The following SARM1 variants were observed in gnomAD, a reference collection of about 807,000 sequenced individuals.
The protein encoded by SARM1 is NAD(+) hydrolase SARM1.
SARM1 carries 60 observed loss-of-function variants against 65.1 expected under a neutral mutation model. The ratio of observed to expected loss-of-function variants is 0.92; its 90% CI spans 0.75 to 1.14. The LOEUF (loss-of-function observed/expected upper bound fraction) is 1.14, where lower values mean the gene tolerates loss of function less well. Ranked by LOEUF, SARM1 falls within the 50% of genes most tolerant of loss-of-function variation. The probability of loss-of-function intolerance (pLI) is 0.00; values close to 1 mark genes in which losing one functional copy is unlikely to be tolerated. For missense variants in SARM1, 913 were observed against 1,015.7 expected (o/e 0.90, Z 1.37); for synonymous variants, 417 against 465.4 (o/e 0.90, Z 1.34).
intron 2 of SARM1, among the ~76,000 whole-genome samples, chr17:28,382,275 G>A (rs544215952): frequency 8.5e-5 from 13 of 152,256 alleles, no homozygotes; most frequent in African/African-American, 3.1e-4. Context: ...GATGACTCCT[G>A]GCCCTGAACA....
Position 28,384,967 on chromosome 17 carries a change from C to G in SARM1, c.1394+37C>G. On this transcript the variant is annotated intron_variant, in intron 4 of 8. Coordinates refer to ENST00000585482, the MANE Select transcript of SARM1 (RefSeq NM_015077.4). This position sits in a 1 kb window ranked among gnomAD's most constrained non-coding sequence, Gnocchi z 4.4. ...CCTGCCCGCCGGACCCCAGCTAGGT[C>G]TAAATAAGCTCCCCCTCCGCCCACA... The G allele has an allele frequency of 1.3e-6, 2 of 1,588,400 alleles. No individual in the cohort carries two copies. Among genetic ancestry groups the G allele is most frequent in the Non-Finnish European group, 1.7e-6 (2 of 1,166,660 alleles).
At chr17:28,393,552 T>G (rs2068091782) in intron 7 of SARM1, among the ~76,000 whole-genome samples, 2 of 150,334 alleles carry the variant, frequency 1.3e-5, no homozygotes, top group South Asian at 4.2e-4. Flanking sequence ...CCTGTTCCCC[T>G]GCCCCCCGCC....
At chr17:28,383,871 G>A (rs2068036694) in intron 2 of SARM1, among the ~76,000 whole-genome samples, 1 of 152,254 alleles carries the variant, frequency 6.6e-6, no homozygotes, top group South Asian at 2.1e-4. Context: ...TCTGGTGGAT[G>A]AGTAGGATTT....
Position 28,373,035 on chromosome 17 carries a change from AC to A in SARM1, c.470+534del, listed in dbSNP as rs562536643. ...ACTCCCTTCTTGCCGCCCCAATCCA[AC>A]TTCTGCTCCATCCTTCATTCTGGTT... On this transcript the variant is annotated intron_variant, in intron 1 of 8. Transcript: ENST00000585482. The A allele has an allele frequency of 3.7e-3, 570 of 152,594 alleles. 2 individuals carry two copies. The highest frequency in any genetic ancestry group is 6.4e-3 in the Non-Finnish European group (438 of 68,318). The allele number at this position is 152,594 out of a possible 1,614,324, so 9.5% of individuals were successfully genotyped here. A position where few individuals can be genotyped will look rare whatever the true frequency, so the allele number is the denominator to read the frequency against.
chr17:28,383,408 G>A (rs2068033868), intron 2 of SARM1, among the ~76,000 whole-genome samples: 1 of 152,124 alleles, frequency 6.6e-6, no homozygotes, highest in East Asian at 1.9e-4. Context: ...TGCTATGTTA[G>A]GGGGGTCTCT....
At position 28,399,780 on chromosome 17, in the gene SARM1, G is replaced by T; in HGVS notation, c.*3494G>T. 1 of 1,564,474 alleles carries T rather than the reference G, an allele frequency of 6.4e-7. No individual in the cohort carries two copies. Among genetic ancestry groups the T allele is most frequent in the South Asian group, 1.1e-5 (1 of 89,700 alleles). ...ACCCTCAAGGCCTGTCTGGAGAAGT[G>T]ACACAGGATTTACTGGGGTGGGCTG... On this transcript the variant is annotated 3_prime_UTR_variant, in exon 9 of 9. Coordinates refer to ENST00000585482, the MANE Select transcript of SARM1 (RefSeq NM_015077.4).
At chr17:28,379,066 C>CA (rs2068007511) in intron 1 of SARM1, among the ~76,000 whole-genome samples, 1 of 152,170 alleles carries the variant, frequency 6.6e-6, no homozygotes, top group Non-Finnish European at 1.5e-5. Flanking sequence ...ATCTATATGA[C>CA]AATCTCTTTG....
Position 28,371,703 on chromosome 17 carries a change from C to G in SARM1, c.-330C>G, listed in dbSNP as rs1555583988. 4.3e-6 allele frequency: 1 copy of G among 231,794 alleles called. No homozygotes were observed. The highest frequency in any genetic ancestry group is 8.4e-6 in the Non-Finnish European group (1 of 119,610). The allele number at this position is 231,794 out of a possible 1,614,324, so 14.4% of individuals were successfully genotyped here. On this transcript the variant is annotated 5_prime_UTR_variant, in exon 1 of 9. Transcript: ENST00000585482. ...GTGGCTGCTGCCGAGCATCTCCCAG[C>G]TCAGCCGAGCCCGTGCCCAGGCCAC... is the stretch of plus-strand genomic sequence containing the variant.
At chr17:28,381,017 C>T (rs1489963929) in intron 1 of SARM1, among the ~76,000 whole-genome samples, 186 bp from the exon 2 acceptor site, 2 of 152,102 alleles carry the variant, frequency 1.3e-5, no homozygotes, top group Non-Finnish European at 2.9e-5. Context: ...AATAGAGCAC[C>T]CTTAGAATCC....
intron 7 of SARM1, among the ~76,000 whole-genome samples, chr17:28,394,160 G>C (rs2068095535): frequency 6.6e-6 from 1 of 152,224 alleles, no homozygotes; most frequent in Non-Finnish European, 1.5e-5. Context: ...AGAATTTTAA[G>C]TAGGGGGTGA....
intron 1 of SARM1, 85 bp from the exon 2 acceptor site, chr17:28,381,118 G>T: frequency 6.9e-7 from 1 of 1,458,072 alleles, no homozygotes; most frequent in Non-Finnish European, 9.1e-7. Context: ...GGCCCAGAGA[G>T]GGTTAGTGAC....
In SARM1 at chr17:28,401,385, G is replaced by A. The variant is rs1418774890; in HGVS notation, c.*5099G>A. On this transcript the variant is annotated 3_prime_UTR_variant, in exon 9 of 9. Transcript: ENST00000585482. ...CACAGAGAAAGTGCTGGGAAAAAAA[G>A]TTTAGGTGAATGAATGAAGACACAT... The A allele has an allele frequency of 6.3e-6, 1 of 157,852 alleles. No individual in the cohort carries two copies. Among genetic ancestry groups the A allele is most frequent in the Non-Finnish European group, 1.4e-5 (1 of 71,246 alleles). The allele number at this position is 157,852 out of a possible 1,614,324, so 9.8% of individuals were successfully genotyped here. A position where few individuals can be genotyped will look rare whatever the true frequency, so the allele number is the denominator to read the frequency against.
chr17:28,396,428 C>A lies in SARM1; in HGVS notation c.*142C>A, dbSNP rs148837601. 93 of 929,256 alleles carry A rather than the reference C, an allele frequency of 1.0e-4. No homozygotes were observed. In the African/African-American group the frequency reaches 1.5e-3, roughly 15 times the overall value. 57.6% of individuals were successfully genotyped at this position (929,256 alleles called of 1,614,324 possible). On this transcript the variant is annotated 3_prime_UTR_variant, in exon 9 of 9. Coordinates refer to ENST00000585482, the MANE Select transcript of SARM1 (RefSeq NM_015077.4). ...GGCTCTCCCTCCCCCTGTCCCCCAC[C>A]CTCATGGCCCACCTCCAACCCACTT...
chr17:28,399,521 T>C lies in SARM1; in HGVS notation c.*3235T>C, dbSNP rs954619388. 7.1e-6 allele frequency: 6 copies of C among 850,468 alleles called. 1 individual carries two copies. The South Asian group carries it at 9.7e-5, about 14-fold the overall frequency. 52.7% of individuals were successfully genotyped at this position (850,468 alleles called of 1,614,324 possible). On this transcript the variant is annotated 3_prime_UTR_variant, in exon 9 of 9. Coordinates refer to ENST00000585482, the MANE Select transcript of SARM1 (RefSeq NM_015077.4). ...GGGTGGTGCCTTGGTCTCTCTTGAC[T>C]ACCTCGTCCAAAGAGAGCACTGCCC...
At chr17:28,380,896 G>T (rs929758233) in intron 1 of SARM1, among the ~76,000 whole-genome samples, 1 of 152,202 alleles carries the variant, frequency 6.6e-6, no homozygotes, top group Non-Finnish European at 1.5e-5. Flanking sequence ...GTTAGAAAAC[G>T]GGCTGAGAAG....
chr17:28,374,033 CAG>C (rs1555584346), intron 1 of SARM1: 3 of 151,480 alleles, frequency 2.0e-5, no homozygotes, highest in Middle Eastern at 3.4e-3. Context: ...TTGGGAGGCC[CAG>C]GCGGGTGGAT....
In SARM1 at chr17:28,385,161, G is replaced by C. The variant is rs1202773157; in HGVS notation, c.1516G>C (p.Val506Leu). Reference protein sequence around the residue: ...PRFRQYTYGLVSCGLDRSLLH... With the variant: ...PRFRQYTYGLLSCGLDRSLLH... The stretch of plus-strand genomic sequence containing the variant: ...CTTCCGCCAGTACACCTACGGCCTG[G>C]TCAGCTGCGGCCTGGACCGCTCCCT... Residue 506 changes from valine (V) to leucine (L), a missense_variant, in exon 5 of 9, where the codon GTC becomes CTC. Around this residue, in one of 3 missense-constraint regions of SARM1, gnomAD observed 862 missense variants for 952.1 expected, o/e 0.91. Coordinates refer to ENST00000585482, the MANE Select transcript of SARM1 (RefSeq NM_015077.4). This position sits in a 1 kb window ranked among gnomAD's most constrained non-coding sequence, Gnocchi z 4.5. The C allele has an allele frequency of 1.2e-6, 2 of 1,612,164 alleles. No homozygotes were observed. The highest frequency in any genetic ancestry group is 2.7e-5 in the African/African-American group (2 of 74,922).
At chr17:28,377,502 G>T (rs2067999227) in intron 1 of SARM1, among the ~76,000 whole-genome samples, 1 of 152,226 alleles carries the variant, frequency 6.6e-6, no homozygotes, top group Non-Finnish European at 1.5e-5. Context: ...TACTCAGGTG[G>T]CTGAGTTGGG....
intron 2 of SARM1, among the ~76,000 whole-genome samples, chr17:28,383,759 C>A (rs1044128271): frequency 2.0e-5 from 3 of 152,320 alleles, no homozygotes; most frequent in Non-Finnish European, 4.4e-5. Context: ...CAACCAGTGA[C>A]AGTGGCATTC....
Sources: allele counts gnomAD v4.1 joint callset (sites outside exome capture counted in the v4.1 genomes callset), GRCh38; gene constraint gnomAD v4.1.1; regional missense constraint gnomAD v4.1.1; non-coding constraint Gnocchi (gnomAD v3.1); transcripts MANE v1.5; gene names NCBI Gene and HGNC (gene_info 2026-07-23, HGNC 2026-07-21).